Variants in MYH11 observed in about 807,000 individuals in gnomAD.
MYH11 encodes myosin-11.
MYH11 carries 80 observed loss-of-function variants against 246.6 expected under a neutral mutation model. The observed-to-expected ratio is 0.32, with a 90% CI of 0.27 to 0.39. The LOEUF is 0.39. MYH11 is among the 10% of genes least tolerant of loss of function. The pLI is 1.00. For missense variants in MYH11, 2,158 were observed against 2,546.8 expected (o/e 0.85, Z 3.29); for synonymous variants, 1,071 against 1,015.5 (o/e 1.05, Z -1.04).
intron 38 of MYH11, among the ~76,000 whole-genome samples, chr16:15,716,300 T>A (rs952242421): frequency 6.6e-6 from 1 of 152,052 alleles, no homozygotes; most frequent in Non-Finnish European, 1.5e-5. Context: ...TACATGTTTG[T>A]GAATATATGA....
At position 15,720,157 on chromosome 16, in the gene MYH11, T is replaced by C; in HGVS notation, c.4947A>G (p.Lys1649=). ...GREEAIKQLR[K]LQAQMKDFQR... is the part of the protein sequence containing the mutation. ...AGCTCCTAGTGTCACCCACCTGCAG[T>C]TTGCGTAGCTGCTTGATGGCTTCCT... is the stretch of plus-strand genomic sequence containing the variant. The change falls in exon 34 of 41, where the codon AAA becomes AAG. Residue 1649 remains lysine (K), a synonymous_variant. Transcript: ENST00000300036. 1 of 1,614,026 alleles carries C rather than the reference T, an allele frequency of 6.2e-7. No homozygotes were observed. Among genetic ancestry groups the C allele is most frequent in the Non-Finnish European group, 8.5e-7 (1 of 1,179,988 alleles).
chr16:15,805,671 G>C (rs1031080392), intron 3 of MYH11, among the ~76,000 whole-genome samples: 3 of 152,178 alleles, frequency 2.0e-5, no homozygotes, highest in African/African-American at 7.2e-5. Context: ...CAGCACTTTG[G>C]GAAGCTGAGG....
At chr16:15,758,469 C>T (rs774845054) in intron 12 of MYH11, among the ~76,000 whole-genome samples, 2 of 151,662 alleles carry the variant, frequency 1.3e-5, no homozygotes, top group East Asian at 1.9e-4. Flanking sequence ...CAGGAGTTTG[C>T]GACCAGCCTG....
rs192006826 is a variant in MYH11, at chr16:15,808,796, G to A, written c.503-10109C>T. 1.1e-3 allele frequency among the ~76,000 whole-genome samples: 173 copies of A among 152,290 alleles called. 1 individual carries two copies. The highest frequency in any genetic ancestry group is 3.9e-3 in the African/African-American group (162 of 41,556). ...TAGCCCCAGCTATTTGGAAGGCTGA[G>A]GCAGGAAAATTGCTTGAGCCTAGGA... On this transcript the variant is annotated intron_variant, in intron 3 of 40. Transcript: ENST00000300036.
At chr16:15,742,760 GAT>G (rs1173539865) in intron 20 of MYH11, among the ~76,000 whole-genome samples, 1 of 151,872 alleles carries the variant, frequency 6.6e-6, no homozygotes, top group African/African-American at 2.4e-5. Flanking sequence ...AAAATTATAA[GAT>G]ATGTATTACC....
chr16:15,748,011 C>T, intron 17 of MYH11, 36 bp downstream of exon 17: 1 of 1,614,196 alleles, frequency 6.2e-7, no homozygotes, highest in East Asian at 2.2e-5. Context: ...GTCCCGCTCA[C>T]CCCCTGCCCT....
Position 15,721,805 on chromosome 16 carries a change from A to C in MYH11, c.4366-171T>G, listed in dbSNP as rs563206634. ...ATAATCATCTGGCGTTCTGACTTCT[A>C]CATCAACCTTATGCAGAGCCAGAAA... On this transcript the variant is annotated intron_variant, in intron 31 of 40. Coordinates refer to ENST00000300036, the MANE Select transcript of MYH11 (RefSeq NM_002474.3). 265 of 680,096 alleles carry C rather than the reference A, an allele frequency of 3.9e-4. 5 individuals are homozygous for C. The highest frequency in any genetic ancestry group is 3.9e-3 in the South Asian group (220 of 57,084). The allele number at this position is 680,096 out of a possible 1,614,324, so 42.1% of individuals were successfully genotyped here. A position where few individuals can be genotyped will look rare whatever the true frequency, so the allele number is the denominator to read the frequency against.
Position 15,782,472 on chromosome 16 carries a change from C to G in MYH11, c.639G>C (p.Glu213Asp). Residue 213 changes from glutamate (E) to aspartate (D), a missense_variant, in exon 6 of 41, where the codon GAG becomes GAC. Glu to Asp is a conservative substitution (Grantham distance 45). Transcript: ENST00000300036. ...TTGCTTGTAGAAGCTGCTTTTCCAG[C>G]TCTCCCTAAAATTCATTCACATCTA... ...KGKKDTSITGELEKQLLQANP... is the reference protein window; with the variant it reads ...KGKKDTSITGDLEKQLLQANP... 1 of 1,614,070 alleles carries G rather than the reference C, an allele frequency of 6.2e-7. No individual in the cohort carries two copies. Among genetic ancestry groups the G allele is most frequent in the African/African-American group, 1.3e-5 (1 of 75,040 alleles).
At chr16:15,856,333 T>A (rs1438972432) in intron 1 of MYH11, among the ~76,000 whole-genome samples, 3 of 140,886 alleles carry the variant, frequency 2.1e-5, no homozygotes, top group East Asian at 2.1e-4. Context: ...CTAAACTGAT[T>A]AAAAAAAAAA....
Position 15,763,877 on chromosome 16 carries a change from C to T in MYH11, c.1048G>A (p.Val350Ile), listed in dbSNP as rs757255183. ...EEEQLSILKVVSSVLQLGNIV... is the reference protein window; with the variant it reads ...EEEQLSILKVISSVLQLGNIV... Reference sequence around the variant, plus strand: ...TTTCCAAGCTGCAGGACCGATGATACCACCTTCAATATGGCTGAGGTGGGG... The same window carrying T: ...TTTCCAAGCTGCAGGACCGATGATATCACCTTCAATATGGCTGAGGTGGGG... The change falls in exon 10 of 41, where the codon GTA becomes ATA. Residue 350 changes from valine (V) to isoleucine (I), a missense_variant. Val to Ile is a conservative substitution (Grantham distance 29, BLOSUM62 3). This residue lies in a region of MYH11 where 75 missense variants were observed against 70.0 expected (regional missense o/e 1.07). Transcript: ENST00000300036. 1.2e-6 allele frequency: 2 copies of T among 1,612,924 alleles called. No individual in the cohort carries two copies. The highest frequency in any genetic ancestry group is 1.3e-5 in the African/African-American group (1 of 74,862).
In MYH11 at chr16:15,797,662, T is replaced by C. The variant is rs189932220; in HGVS notation, c.530+998A>G. Among the ~76,000 whole-genome samples the C allele has an allele frequency of 1.6e-3, 242 of 151,534 alleles. 4 individuals carry two copies. Among genetic ancestry groups the C allele is most frequent in the Non-Finnish European group, 1.5e-4 (10 of 67,926 alleles). On this transcript the variant is annotated intron_variant, in intron 4 of 40. Transcript: ENST00000300036. ...TATATTTTCAAATTCACCGACCTGC[T>C]GAAAGTTATTTGTAACCCCAAAATC...
chr16:15,710,681 GTTT>G (rs796312900), intron 40 of MYH11, among the ~76,000 whole-genome samples: 3 of 150,914 alleles, frequency 2.0e-5, no homozygotes, highest in East Asian at 1.9e-4. Context: ...GAGGGTTTTT[GTTT>G]TTTGTTTTTT....
At chr16:15,734,191 C>T (rs1227350524) in intron 26 of MYH11, among the ~76,000 whole-genome samples, 1 of 152,184 alleles carries the variant, frequency 6.6e-6, no homozygotes, top group Non-Finnish European at 1.5e-5. Flanking sequence ...AAAAGTGATA[C>T]ACACACATAC....
chr16:15,805,952 G>A (rs541237701), intron 3 of MYH11, among the ~76,000 whole-genome samples: 2 of 152,064 alleles, frequency 1.3e-5, no homozygotes, highest in South Asian at 4.2e-4. Flanking sequence ...ATGATACAAC[G>A]TGGATGAACC....
At chr16:15,725,129 T>C in intron 28 of MYH11, 137 bp from the exon 29 acceptor site, 2 of 646,130 alleles carry the variant, frequency 3.1e-6, no homozygotes, top group Non-Finnish European at 5.3e-6. Context: ...GGTATGGGAC[T>C]CTGATAAAAA....
At chr16:15,706,020 TTCA>T (rs923414325) in intron 40 of MYH11, among the ~76,000 whole-genome samples, 45 of 122,640 alleles carry the variant, frequency 3.7e-4, no homozygotes, top group Admixed American at 3.2e-4. Context: ...GGCCCAGAGA[TTCA>T]TGATCACTGA....
chr16:15,714,886 CT>C, intron 40 of MYH11, 22 bp downstream of exon 40: 4 of 1,612,600 alleles, frequency 2.5e-6, no homozygotes, highest in Non-Finnish European at 3.4e-6. Flanking sequence ...AGACGGGGTC[CT>C]CCCGGGCCAC....
intron 23 of MYH11, among the ~76,000 whole-genome samples, chr16:15,739,368 T>C (rs2041208843): frequency 6.6e-6 from 1 of 152,180 alleles, no homozygotes; most frequent in African/African-American, 2.4e-5. Flanking sequence ...CCCAAAGTGC[T>C]GGGATTGCAG....
At chr16:15,830,665 G>A (rs761840356) in intron 2 of MYH11, among the ~76,000 whole-genome samples, 65 of 152,066 alleles carry the variant, frequency 4.3e-4, no homozygotes, top group Non-Finnish European at 8.4e-4. Flanking sequence ...ATCACTTGAG[G>A]TCAGGAGTTC....
Sources: allele counts gnomAD v4.1 joint callset (sites outside exome capture counted in the v4.1 genomes callset), GRCh38; gene constraint gnomAD v4.1.1; regional missense constraint gnomAD v4.1.1; transcripts MANE v1.5; gene names NCBI Gene and HGNC (gene_info 2026-07-23, HGNC 2026-07-21).